The following FBP2 variants were observed in gnomAD, a reference collection of about 807,000 sequenced individuals.
FBP2 encodes fructose-1,6-bisphosphatase isozyme 2.
FBP2 carries 27 observed loss-of-function variants against 31.6 expected under a neutral mutation model. The ratio of observed to expected loss-of-function variants is 0.85; its 90% CI spans 0.63 to 1.18. FBP2 has a LOEUF of 1.18. Among genes scored for constraint, FBP2 ranks in the 50% most tolerant of loss-of-function variants. The probability of loss-of-function intolerance (pLI) is 0.00; values close to 1 mark genes in which losing one functional copy is unlikely to be tolerated. For missense variants in FBP2, 421 were observed against 436.1 expected, an observed-to-expected ratio of 0.97 and a Z score of 0.31; for synonymous variants, 168 against 179.8, an observed-to-expected ratio of 0.93 and a Z score of 0.53.
rs1459033667 is a variant in FBP2 at position 94,559,104 on chromosome 9, A to G, written c.854T>C (p.Val285Ala). 6.2e-7 allele frequency: 1 copy of G among 1,613,598 alleles called. No homozygotes were observed. Among genetic ancestry groups the G allele is most frequent in the Non-Finnish European group, 8.5e-7 (1 of 1,179,876 alleles). ...KLRLLYECNP[V>A]AYIIEQAGGL... ...TCCTGCCTGCTCAATGATGTAGGCC[A>G]CGGGATTGCATTCATACAGGAGCCG... Residue 285 changes from valine (V) to alanine (A), a missense_variant, in exon 7 of 7, where the codon GTG becomes GCG. By Grantham distance (64) the Val-to-Ala change is moderately conservative. Coordinates refer to ENST00000375337, the MANE Select transcript of FBP2 (RefSeq NM_003837.4).
At chr9:94,593,508 G>C in intron 1 of FBP2, 49 bp downstream of exon 1, 1 of 1,549,830 alleles carries the variant, frequency 6.5e-7, no homozygotes, top group African/African-American at 1.4e-5. Flanking sequence ...CCACACCCCT[G>C]CCTGGGCCTG....
rs143729121 is a variant in FBP2 at position 94,587,418 on chromosome 9, C to G, written c.222G>C (p.Leu74=). The change falls in exon 2 of 7, where the codon CTG becomes CTC. Residue 74 remains leucine (L), a synonymous_variant. Coordinates refer to ENST00000375337, the MANE Select transcript of FBP2 (RefSeq NM_003837.4). ...TCACCAGGGAATTGGATAGCACATC[C>G]AGTTTCTTCACCTCATCTCCCGTCA... The part of the protein sequence containing the change: ...VNVTGDEVKK[L]DVLSNSLVIN... 156 of 1,614,064 alleles carry G rather than the reference C, an allele frequency of 9.7e-5. No homozygotes were observed. The African/African-American group carries it at 2.0e-3, about 20-fold the overall frequency.
chr9:94,571,492 C>G lies in FBP2; in HGVS notation c.537G>C (p.Gly179=). The G allele has an allele frequency of 1.2e-6, 2 of 1,613,592 alleles. No individual in the cohort carries two copies. Among genetic ancestry groups the G allele is most frequent in the Non-Finnish European group, 1.7e-6 (2 of 1,179,792 alleles). The part of the protein sequence containing the change: ...GSATLVALST[G]QGVDLFMLDP... ...CAAGCATGAAGAGGTCCACGCCTTGCCCTGTGGAGAGAGCCACCAGGGTTG... is the reference window on the plus strand; with the variant it reads ...CAAGCATGAAGAGGTCCACGCCTTGGCCTGTGGAGAGAGCCACCAGGGTTG... Residue 179 remains glycine (G), a synonymous_variant, in exon 4 of 7, where the codon GGG becomes GGC. Transcript: ENST00000375337.
At chr9:94,583,886 C>T (rs765731198) in intron 3 of FBP2, among the ~76,000 whole-genome samples, 1 of 152,196 alleles carries the variant, frequency 6.6e-6, no homozygotes, top group African/African-American at 2.4e-5. Flanking sequence ...GGATTACAGG[C>T]GTGAGCCACC....
chr9:94,586,932 G>A (rs1827433471), intron 2 of FBP2: 1 of 164,682 alleles, frequency 6.1e-6, no homozygotes, highest in African/African-American at 2.4e-5. Context: ...TGCCGGCTGG[G>A]GGCGGGGGTG....
At chr9:94,564,728 G>A (rs1386176184) in intron 5 of FBP2, among the ~76,000 whole-genome samples, 4 of 151,874 alleles carry the variant, frequency 2.6e-5, no homozygotes, top group Admixed American at 2.6e-4. Context: ...TTAGTACCTG[G>A]GAGACAAACA....
In FBP2 at chr9:94,559,055, C is replaced by A; in HGVS notation, c.903G>T (p.Gln301His). The A allele has an allele frequency of 6.2e-7, 1 of 1,614,162 alleles. No homozygotes were observed. Among genetic ancestry groups the A allele is most frequent in the Non-Finnish European group, 8.5e-7 (1 of 1,180,030 alleles). Residue 301 changes from glutamine to histidine, a missense_variant, in exon 7 of 7, where the codon CAG becomes CAT. Physicochemically the swap from Gln to His is conservative, Grantham distance 24. Coordinates refer to ENST00000375337, the MANE Select transcript of FBP2 (RefSeq NM_003837.4). Reference sequence around the variant, plus strand: ...CCTCGGGCTTCACGTCCAGTACAGGCTGGGTCCCCGTGGTCGCCAAGCCTC... The same window carrying A: ...CCTCGGGCTTCACGTCCAGTACAGGATGGGTCCCCGTGGTCGCCAAGCCTC... The part of the protein sequence containing the change: ...QAGGLATTGT[Q>H]PVLDVKPEAI...
intron 3 of FBP2, among the ~76,000 whole-genome samples, chr9:94,576,419 G>T (rs1377921813): frequency 1.3e-5 from 2 of 152,224 alleles, no homozygotes; most frequent in Admixed American, 1.3e-4. Context: ...ATGTGGACCT[G>T]CATTCAGTTA....
Position 94,558,817 on chromosome 9 carries a change from G to C in FBP2, c.*121C>G. ...GTAAGCAGTTTGTTGTTGCTCTTCTGTATGTGATTAAGTGGATTTACCTTT... is the reference window on the plus strand; with the variant it reads ...GTAAGCAGTTTGTTGTTGCTCTTCTCTATGTGATTAAGTGGATTTACCTTT... On this transcript the variant is annotated 3_prime_UTR_variant, in exon 7 of 7. Coordinates refer to ENST00000375337, the MANE Select transcript of FBP2 (RefSeq NM_003837.4). 1 of 901,994 alleles carries C rather than the reference G, an allele frequency of 1.1e-6. No homozygotes were observed. Among genetic ancestry groups the C allele is most frequent in the East Asian group, 2.6e-5 (1 of 37,904 alleles). The allele number at this position is 901,994 out of a possible 1,614,324, so 55.9% of individuals were successfully genotyped here.
chr9:94,585,041 C>T (rs148449193), intron 2 of FBP2, among the ~76,000 whole-genome samples: 253 of 152,240 alleles, frequency 1.7e-3, no homozygotes, highest in Middle Eastern at 3.4e-3. Flanking sequence ...TTAGTGATGG[C>T]GACCGGAACC....
At chr9:94,561,747 CA>C (rs1039473884) in intron 6 of FBP2, among the ~76,000 whole-genome samples, 4 of 152,146 alleles carry the variant, frequency 2.6e-5, no homozygotes, top group African/African-American at 9.7e-5. Flanking sequence ...CACATGCACA[CA>C]CAGACACACA....
chr9:94,582,345 TGTGTGC>T (rs1250158588), intron 3 of FBP2, among the ~76,000 whole-genome samples: 99 of 83,164 alleles, frequency 1.2e-3, no homozygotes, highest in African/African-American at 3.5e-3. Flanking sequence ...AATATGTGTG[TGTGTGC>T]GTGTGTGTGT....
At chr9:94,567,172 C>T (rs1827201725) in intron 5 of FBP2, 98 bp downstream of exon 5, 1 of 1,257,400 alleles carries the variant, frequency 8.0e-7, no homozygotes, top group Admixed American at 1.8e-5. Flanking sequence ...TAAACAGTGG[C>T]ACCAACCTCT....
intron 4 of FBP2, among the ~76,000 whole-genome samples, 193 bp downstream of exon 4, chr9:94,571,269 G>T (rs756594777): frequency 6.6e-6 from 1 of 152,120 alleles, no homozygotes; most frequent in Non-Finnish European, 1.5e-5. Context: ...TCCTCCCCCC[G>T]AGTGCCCTCA....
chr9:94,581,338 T>C (rs7870433), intron 3 of FBP2, among the ~76,000 whole-genome samples: 58,134 of 152,064 alleles, frequency 0.38, 11,769 homozygotes, highest in Admixed American at 0.49. Flanking sequence ...AGGCTTGTGT[T>C]TTGTGCAGCT....
intron 1 of FBP2, among the ~76,000 whole-genome samples, chr9:94,588,632 T>C (rs1827456215): frequency 2.0e-5 from 3 of 152,066 alleles, no homozygotes; most frequent in Admixed American, 2.0e-4. Context: ...AATAATTCTA[T>C]CTAGAGGCTT....
At position 94,591,672 on chromosome 9, in the gene FBP2, G is replaced by T. The variant is rs141448430; in HGVS notation, c.170+1885C>A. ...TCAGGCACAGGCAAATCTGGTCTGG[G>T]CTTGGAACCGCGGTAGTGACAGGCA... On this transcript the variant is annotated intron_variant, in intron 1 of 6. Coordinates refer to ENST00000375337, the MANE Select transcript of FBP2 (RefSeq NM_003837.4). Among the ~76,000 whole-genome samples, 1,011 of 152,306 alleles carry T rather than the reference G, an allele frequency of 6.6e-3. 10 individuals carry two copies. The highest frequency in any genetic ancestry group is 0.023 in the African/African-American group (971 of 41,554).
intron 1 of FBP2, among the ~76,000 whole-genome samples, chr9:94,592,124 T>C (rs1827510362): frequency 6.6e-6 from 1 of 152,202 alleles, no homozygotes; most frequent in Non-Finnish European, 1.5e-5. Context: ...TCAGCAGGGC[T>C]GTCACCCACA....
intron 3 of FBP2, among the ~76,000 whole-genome samples, chr9:94,572,215 G>T (rs1294736366): frequency 6.6e-6 from 1 of 152,106 alleles, no homozygotes; most frequent in Non-Finnish European, 1.5e-5. Flanking sequence ...TGGTCCTTCT[G>T]TGGCCCTTGG....
Sources: gnomAD v4.1 joint callset for allele counts (sites outside exome capture counted in the v4.1 genomes callset) on GRCh38, gnomAD v4.1.1 for gene constraint, MANE v1.5 for transcripts, NCBI Gene and HGNC (gene_info 2026-07-23, HGNC 2026-07-21) for gene names.